Variants in KCNH4 observed in about 807,000 individuals in gnomAD.
KCNH4 encodes the protein potassium voltage-gated channel subfamily H member 4.
A neutral mutation model predicts 90.7 loss-of-function variants in KCNH4; 33 were observed. That is an observed-to-expected ratio of 0.36 (90% CI 0.28 to 0.49). The LOEUF is 0.49. Ranked by LOEUF, KCNH4 falls within the 20% of genes least tolerant of loss-of-function variation. KCNH4 has a pLI of 0.98. For synonymous variants in KCNH4, 551 were observed against 581.7 expected, an observed-to-expected ratio of 0.95 and a Z score of 0.76; for missense variants, 1,044 against 1,387.1, an observed-to-expected ratio of 0.75 and a Z score of 3.93.
chr17:42,163,410 G>T lies in KCNH4; in HGVS notation c.2478-76C>A. 1 of 1,108,176 alleles carries T rather than the reference G, an allele frequency of 9.0e-7. No homozygotes were observed. 68.6% of individuals were successfully genotyped at this position (1,108,176 alleles called of 1,614,324 possible). A position where few individuals can be genotyped will look rare whatever the true frequency, so the allele number is the denominator to read the frequency against. On this transcript the variant is annotated intron_variant, in intron 13 of 16. Coordinates refer to ENST00000264661, the MANE Select transcript of KCNH4 (RefSeq NM_012285.3). This position sits in a 1 kb window ranked among gnomAD's most constrained non-coding sequence, Gnocchi z 5.4. The stretch of plus-strand genomic sequence containing the variant: ...GAGCAGAGCAGACAGAGGGGGACTG[G>T]GGGCAGCAGTGCCAGGGGGCGGAGC...
At chr17:42,175,913 A>C in intron 5 of KCNH4, 141 bp downstream of exon 5, 1 of 1,220,826 alleles carries the variant, frequency 8.2e-7, no homozygotes, top group Non-Finnish European at 1.2e-6. Context: ...GGAGCAGGAC[A>C]CATGGGCCAT....
rs565068926 is a variant in KCNH4, at chr17:42,163,531, G to A, written c.2477+75C>T. On this transcript the variant is annotated intron_variant, in intron 13 of 16. Transcript: ENST00000264661. The surrounding 1 kb of genome is among the most constrained non-coding windows in gnomAD (Gnocchi z 5.4). ...GACGGAATGTAGCACTGTTTGGAAC[G>A]CCAGGGATAGAGCCCAGAGAAGGTT... The A allele has an allele frequency of 1.7e-4, 133 of 793,948 alleles. No homozygotes were observed. In the South Asian group the frequency reaches 2.2e-3, roughly 13 times the overall value. 49.2% of individuals were successfully genotyped at this position (793,948 alleles called of 1,614,324 possible). A position where few individuals can be genotyped will look rare whatever the true frequency, so the allele number is the denominator to read the frequency against.
Position 42,166,430 on chromosome 17 carries a change from C to G in KCNH4, c.1707G>C (p.Ser569=). 1 of 1,614,088 alleles carries G rather than the reference C, an allele frequency of 6.2e-7. No individual in the cohort carries two copies. Among genetic ancestry groups the G allele is most frequent in the Non-Finnish European group, 8.5e-7 (1 of 1,179,980 alleles). The change falls in exon 10 of 17, where the codon TCG becomes TCC. Residue 569 remains serine, a synonymous_variant. Coordinates refer to ENST00000264661, the MANE Select transcript of KCNH4 (RefSeq NM_012285.3). The part of the protein sequence containing the change: ...AASRGCLRAL[S]LHIKTSFCAP... ...CGCAGAACGAGGTCTTGATGTGCAG[C>G]GATAGGGCCCGCAGGCAGCCCCTGC...
intron 16 of KCNH4, 95 bp downstream of exon 16, chr17:42,159,636 C>T (rs1376665133): frequency 6.1e-6 from 1 of 164,594 alleles, no homozygotes; most frequent in East Asian, 1.7e-4. Flanking sequence ...ACCTGTCTCT[C>T]TTGCTATAGA....
chr17:42,162,353 G>A (rs368563159), intron 14 of KCNH4, 32 bp from the exon 15 acceptor site: 16 of 1,592,090 alleles, frequency 1.0e-5, no homozygotes, highest in African/African-American at 2.7e-5. Context: ...GTGAGTTCAT[G>A]GAGCATTAAT....
chr17:42,161,391 G>C (rs1007128538), intron 15 of KCNH4, among the ~76,000 whole-genome samples: 1 of 152,208 alleles, frequency 6.6e-6, no homozygotes, highest in Non-Finnish European at 1.5e-5. Flanking sequence ...TGGGATGCCC[G>C]ATGTTTATCA....
In KCNH4 at chr17:42,169,613, C is replaced by A; in HGVS notation, c.1454G>T (p.Arg485Leu). 6.2e-7 allele frequency: 1 copy of A among 1,613,952 alleles called. No individual in the cohort carries two copies. The highest frequency in any genetic ancestry group is 8.5e-7 in the Non-Finnish European group (1 of 1,179,996). ...TAIIQRMYSRRSLYHSRMKDL... is the reference protein window; with the variant it reads ...TAIIQRMYSRLSLYHSRMKDL... Reference sequence around the variant, plus strand: ...CTTCATGCGGCTGTGGTAGAGCGAGCGGCGCGAGTACATGCGCTGGATGAT... The same window carrying A: ...CTTCATGCGGCTGTGGTAGAGCGAGAGGCGCGAGTACATGCGCTGGATGAT... Residue 485 changes from arginine to leucine, a missense_variant, in exon 9 of 17, where the codon CGC becomes CTC. Physicochemically the swap from Arg to Leu is moderately radical, Grantham distance 102. This residue lies in a region of KCNH4 where 318 missense variants were observed against 479.6 expected (regional missense o/e 0.66). Transcript: ENST00000264661.
At chr17:42,178,750 T>A (rs763383402) in intron 2 of KCNH4, 43 bp downstream of exon 2, 1 of 1,536,848 alleles carries the variant, frequency 6.5e-7, no homozygotes. Flanking sequence ...TGGATAAGGC[T>A]AGGGGTCTAG....
chr17:42,176,443 G>T, intron 4 of KCNH4, 146 bp from the exon 5 acceptor site: 2 of 686,332 alleles, frequency 2.9e-6, no homozygotes, highest in Middle Eastern at 4.3e-4. Context: ...AGAAGGCCAG[G>T]AGAGGGGCGC....
intron 6 of KCNH4, among the ~76,000 whole-genome samples, chr17:42,173,693 CTTT>C (rs532100884): frequency 3.5e-4 from 23 of 66,262 alleles, no homozygotes; most frequent in Non-Finnish European, 5.2e-4. Flanking sequence ...CGATCTGGTT[CTTT>C]TTTTTTTTTT....
chr17:42,163,764 G>C lies in KCNH4; in HGVS notation c.2319C>G (p.Val773=), dbSNP rs746520142. The change falls in exon 13 of 17, where the codon GTC becomes GTG. Residue 773 remains valine, a synonymous_variant. Coordinates refer to ENST00000264661, the MANE Select transcript of KCNH4 (RefSeq NM_012285.3). The surrounding 1 kb of genome is among the most constrained non-coding windows in gnomAD (Gnocchi z 5.4). ...GGGATGGGGATAAGGAAGGAGAGGA[G>C]ACAAGGGCTGAGAATGGGGGCAGCT... ...GEELPPFSAL[V]SSPSLSPSLS... 2.1e-5 allele frequency: 32 copies of C among 1,557,006 alleles called. No individual in the cohort carries two copies. Among genetic ancestry groups the C allele is most frequent in the Non-Finnish European group, 2.5e-5 (29 of 1,153,322 alleles).
rs766586822 is a variant in KCNH4 at position 42,178,995 on chromosome 17, G to A, written c.108C>T (p.Gly36=). 1.4e-5 allele frequency: 23 copies of A among 1,614,004 alleles called. No individual in the cohort carries two copies. Among genetic ancestry groups the A allele is most frequent in the Non-Finnish European group, 1.9e-5 (23 of 1,179,828 alleles). Residue 36 remains glycine, a synonymous_variant, in exon 2 of 17, where the codon GGC becomes GGT. Coordinates refer to ENST00000264661, the MANE Select transcript of KCNH4 (RefSeq NM_012285.3). ...AGTAGACGATGGGAAAGCCCCGTGT[G>A]CCCTGTGCGTTGGCCAGCAGGAAGT... ...HSNFLLANAQ[G]TRGFPIVYCS... is the part of the protein sequence containing the mutation.
At chr17:42,178,689 T>C (rs891696867) in intron 2 of KCNH4, 104 bp downstream of exon 2, 5 of 1,188,214 alleles carry the variant, frequency 4.2e-6, no homozygotes, top group Non-Finnish European at 5.9e-6. Flanking sequence ...ACAGTCAGCT[T>C]TTGGCAGTGT....
chr17:42,173,411 C>T (rs1239289730), intron 6 of KCNH4, among the ~76,000 whole-genome samples: 1 of 152,202 alleles, frequency 6.6e-6, no homozygotes, highest in Non-Finnish European at 1.5e-5. Flanking sequence ...GAGCCCTTGA[C>T]TGCAAGCTTG....
intron 11 of KCNH4, among the ~76,000 whole-genome samples, chr17:42,164,878 G>T (rs924139786): frequency 2.0e-5 from 3 of 151,566 alleles, no homozygotes; most frequent in Admixed American, 6.6e-5. Flanking sequence ...GGCCGAGGTG[G>T]GTGGATCACC....
At chr17:42,165,787 G>A in intron 10 of KCNH4, 94 bp from the exon 11 acceptor site, 1 of 1,468,100 alleles carries the variant, frequency 6.8e-7, no homozygotes, top group Non-Finnish European at 9.4e-7. Flanking sequence ...TGGTCAGTGT[G>A]TTTGAAGGAT....
At position 42,163,099 on chromosome 17, in the gene KCNH4, C is replaced by A; in HGVS notation, c.2584+129G>T. ...CTAGACTTACTCCAAGAGCGTGGGC[C>A]AGGTCTGTTTTATCTGTGTATTCCC... On this transcript the variant is annotated intron_variant, in intron 14 of 16. Transcript: ENST00000264661. The surrounding 1 kb of genome is among the most constrained non-coding windows in gnomAD (Gnocchi z 5.4). 1 of 698,506 alleles carries A rather than the reference C, an allele frequency of 1.4e-6. No homozygotes were observed. The highest frequency in any genetic ancestry group is 1.6e-5 in the South Asian group (1 of 62,042). 43.3% of individuals were successfully genotyped at this position (698,506 alleles called of 1,614,324 possible). A position where few individuals can be genotyped will look rare whatever the true frequency, so the allele number is the denominator to read the frequency against.
At chr17:42,178,726 T>A in intron 2 of KCNH4, 67 bp downstream of exon 2, 1 of 1,383,324 alleles carries the variant, frequency 7.2e-7, no homozygotes, top group Non-Finnish European at 1.0e-6. Flanking sequence ...ACTCCTACTG[T>A]GCCCAGTGCC....
In KCNH4 at chr17:42,170,037, T is replaced by A. The variant is rs939612208; in HGVS notation, c.1390+70A>T. 12 of 1,466,600 alleles carry A rather than the reference T, an allele frequency of 8.2e-6. No homozygotes were observed. The African/African-American group carries it at 1.7e-4, about 21-fold the overall frequency. 90.8% of individuals were successfully genotyped at this position (1,466,600 alleles called of 1,614,324 possible). ...CCTCGGGCAGATGTCTTGCCCTCTCTGGGCCTCAGTTTCCCCGTGCATGCT... is the reference window on the plus strand; with the variant it reads ...CCTCGGGCAGATGTCTTGCCCTCTCAGGGCCTCAGTTTCCCCGTGCATGCT... On this transcript the variant is annotated intron_variant, in intron 8 of 16. Coordinates refer to ENST00000264661, the MANE Select transcript of KCNH4 (RefSeq NM_012285.3).
Sources: gnomAD v4.1 joint callset for allele counts (sites outside exome capture counted in the v4.1 genomes callset) on GRCh38, gnomAD v4.1.1 for gene constraint, gnomAD v4.1.1 regional missense constraint, Gnocchi (gnomAD v3.1) non-coding constraint, MANE v1.5 for transcripts, NCBI Gene and HGNC (gene_info 2026-07-23, HGNC 2026-07-21) for gene names.